The following MYT1L variants were observed in gnomAD, a reference collection of about 807,000 sequenced individuals.
MYT1L encodes myelin transcription factor 1-like protein.
MYT1L carries 12 observed loss-of-function variants against 126.7 expected under a neutral mutation model. The ratio of observed to expected loss-of-function variants is 0.09; its 90% confidence interval spans 0.06 to 0.15. The LOEUF is 0.15. MYT1L is among the 10% of genes least tolerant of loss of function. MYT1L has a pLI of 1.00. For missense variants in MYT1L, 979 were observed against 1,585.2 expected, an observed-to-expected ratio of 0.62 and a Z score of 6.49; for synonymous variants, 541 against 604.2, an observed-to-expected ratio of 0.90 and a Z score of 1.53.
intron 3 of MYT1L, among the ~76,000 whole-genome samples, chr2:2,143,910 C>A (rs183920334): frequency 1.3e-5 from 2 of 150,478 alleles, no homozygotes; most frequent in Admixed American, 1.3e-4. Flanking sequence ...GAATGAAACA[C>A]CGGATACTCG....
intron 14 of MYT1L, among the ~76,000 whole-genome samples, chr2:1,898,991 T>C (rs2049984829): frequency 6.6e-6 from 1 of 152,028 alleles, no homozygotes; most frequent in African/African-American, 2.4e-5. Context: ...GCCAAGATGA[T>C]AGGAAGGTCT....
chr2:2,183,859 AG>A (rs2091813066), intron 2 of MYT1L, among the ~76,000 whole-genome samples: 2 of 144,866 alleles, frequency 1.4e-5, no homozygotes, highest in Non-Finnish European at 3.0e-5. Flanking sequence ...AGAGGAGGGA[AG>A]GAAAAAGGAA....
chr2:2,294,955 T>C (rs979378188), intron 1 of MYT1L, among the ~76,000 whole-genome samples: 1 of 152,158 alleles, frequency 6.6e-6, no homozygotes, highest in African/African-American at 2.4e-5. Flanking sequence ...AAAGTGATGT[T>C]CTTTTTTTTT....
In MYT1L at chr2:2,217,168, G is replaced by GCCA. The variant is rs200290081; in HGVS notation, c.-420-44183_-420-44181dup. ...AATACTTGTCAACTCATTCTATGGT[G>GCCA]CCACCATTTCTCAGATAACTAAATC... On this transcript the variant is annotated intron_variant, in intron 2 of 24. Coordinates refer to ENST00000647738, the MANE Select transcript of MYT1L (RefSeq NM_001303052.2). 6.9e-3 allele frequency among the ~76,000 whole-genome samples: 1,057 copies of GCCA among 152,194 alleles called. 10 individuals are homozygous for GCCA. The highest frequency in any genetic ancestry group is 0.017 in the African/African-American group (703 of 41,506).
chr2:1,845,988 C>A (rs1037842210), intron 19 of MYT1L, among the ~76,000 whole-genome samples: 1 of 152,218 alleles, frequency 6.6e-6, no homozygotes, highest in Non-Finnish European at 1.5e-5. Flanking sequence ...GGGCTCCAAC[C>A]CACCCTGCCT....
chr2:1,905,319 A>G (rs1368299596), intron 13 of MYT1L, among the ~76,000 whole-genome samples: 2 of 151,996 alleles, frequency 1.3e-5, no homozygotes, highest in Non-Finnish European at 2.9e-5. Context: ...GAATTCATGT[A>G]TTAGTGTTAG....
At chr2:2,099,808 C>G (rs1273749748) in intron 3 of MYT1L, among the ~76,000 whole-genome samples, 1 of 152,250 alleles carries the variant, frequency 6.6e-6, no homozygotes, top group Admixed American at 6.5e-5. Flanking sequence ...ATTCCGTTAT[C>G]TTCACAGAAT....
At chr2:1,896,262 T>C (rs1304943472) in intron 14 of MYT1L, among the ~76,000 whole-genome samples, 1 of 152,184 alleles carries the variant, frequency 6.6e-6, no homozygotes, top group Non-Finnish European at 1.5e-5. Context: ...GTTCAGCTAC[T>C]GGACAGTAGT....
In MYT1L at chr2:2,242,422, T is replaced by C. The variant is rs534223497; in HGVS notation, c.-421+41982A>G. Among the ~76,000 whole-genome samples the C allele has an allele frequency of 1.6e-4, 25 of 152,322 alleles. No homozygotes were observed. The South Asian group carries it at 5.2e-3, about 32-fold the overall frequency. On this transcript the variant is annotated intron_variant, in intron 2 of 24. Transcript: ENST00000647738. ...TTCACCACATATTACGAAAAGAACT[T>C]GCTGCTTTAGCTAGAAGAAAATGTC...
intron 3 of MYT1L, among the ~76,000 whole-genome samples, chr2:2,107,180 T>C (rs1355874227): frequency 2.6e-5 from 4 of 152,198 alleles, no homozygotes; most frequent in Non-Finnish European, 5.9e-5. Flanking sequence ...ACTTTGAGAA[T>C]GTAAGACTGA....
chr2:2,128,772 T>C (rs991927837), intron 3 of MYT1L, among the ~76,000 whole-genome samples: 2 of 152,144 alleles, frequency 1.3e-5, no homozygotes, highest in Admixed American at 1.3e-4. Flanking sequence ...ATAGGTCATA[T>C]TAAATGGAGA....
rs76339392 is a variant in MYT1L at position 2,128,048 on chromosome 2, C to T, written c.-304+44824G>A. Among the ~76,000 whole-genome samples, 602 of 152,232 alleles carry T rather than the reference C, an allele frequency of 4.0e-3. 2 individuals carry two copies. Among genetic ancestry groups the T allele is most frequent in the African/African-American group, 0.014 (582 of 41,532 alleles). The stretch of plus-strand genomic sequence containing the variant: ...TAAATTGGAAAGTATCATAACAATG[C>T]TAATTATGAAAAACAACAACTGTCC... On this transcript the variant is annotated intron_variant, in intron 3 of 24. Coordinates refer to ENST00000647738, the MANE Select transcript of MYT1L (RefSeq NM_001303052.2).
At chr2:2,074,242 C>A (rs1344314145) in intron 3 of MYT1L, among the ~76,000 whole-genome samples, 1 of 152,134 alleles carries the variant, frequency 6.6e-6, no homozygotes, top group Non-Finnish European at 1.5e-5. Flanking sequence ...TTAAAAAAAA[C>A]ATGCCACTTT....
chr2:1,918,559 G>C (rs937128598), intron 10 of MYT1L, among the ~76,000 whole-genome samples: 8 of 152,006 alleles, frequency 5.3e-5, no homozygotes, highest in Admixed American at 2.0e-4. Context: ...GAACTTTTAC[G>C]GACTTTTCAT....
chr2:2,282,343 T>G (rs1326136123), intron 2 of MYT1L, among the ~76,000 whole-genome samples: 1 of 152,252 alleles, frequency 6.6e-6, no homozygotes, highest in East Asian at 1.9e-4. Context: ...GAAATACATT[T>G]TTAGCCTTTA....
chr2:2,245,339 G>T (rs2094514618), intron 2 of MYT1L, among the ~76,000 whole-genome samples: 1 of 151,996 alleles, frequency 6.6e-6, no homozygotes. Context: ...GAAGGAGGTA[G>T]ACCATCCCGA....
At chr2:1,968,599 G>T (rs1468465997) in intron 8 of MYT1L, among the ~76,000 whole-genome samples, 1 of 152,180 alleles carries the variant, frequency 6.6e-6, no homozygotes, top group Non-Finnish European at 1.5e-5. Flanking sequence ...TCCCTCAGCA[G>T]GAGACAGAGG....
chr2:2,134,049 G>A (rs1354040202), intron 3 of MYT1L, among the ~76,000 whole-genome samples: 3 of 152,178 alleles, frequency 2.0e-5, no homozygotes, highest in African/African-American at 7.2e-5. Flanking sequence ...AAAGTCTCCT[G>A]ATGGTGGTGT....
chr2:1,911,899 G>T, intron 12 of MYT1L, 121 bp downstream of exon 12: 1 of 651,618 alleles, frequency 1.5e-6, no homozygotes, highest in Non-Finnish European at 2.4e-6. Flanking sequence ...ATATGGAGGT[G>T]CCCGCACTTG....
Sources: gnomAD v4.1 joint callset for allele counts (sites outside exome capture counted in the v4.1 genomes callset) on GRCh38, gnomAD v4.1.1 for gene constraint, MANE v1.5 for transcripts, NCBI Gene and HGNC (gene_info 2026-07-23, HGNC 2026-07-21) for gene names.